Variants in VWA8 observed in about 807,000 individuals in gnomAD.
VWA8 encodes the protein von Willebrand factor A domain-containing protein 8.
In VWA8, 221 loss-of-function variants were observed where a neutral mutation model predicts 241.5. The ratio of observed to expected loss-of-function variants is 0.91; its 90% CI spans 0.82 to 1.02. The LOEUF is 1.02. Among genes scored for constraint, VWA8 ranks in the 50% least tolerant of loss-of-function variants. The probability of loss-of-function intolerance (pLI) is 0.00; values close to 1 mark genes in which losing one functional copy is unlikely to be tolerated. For missense variants in VWA8, 2,322 were observed against 2,328.7 expected (o/e 1.00, Z 0.06); for synonymous variants, 852 against 827.1 (o/e 1.03, Z -0.52).
At chr13:41,704,065 T>C (rs944604722) in intron 26 of VWA8, among the ~76,000 whole-genome samples, 2 of 152,190 alleles carry the variant, frequency 1.3e-5, no homozygotes, top group African/African-American at 4.8e-5. Flanking sequence ...CAGACAATTC[T>C]TTTAAATTTG....
chr13:41,887,381 G>T lies in VWA8; in HGVS notation c.652-20C>A. 6.2e-7 allele frequency: 1 copy of T among 1,602,004 alleles called. No individual in the cohort carries two copies. The highest frequency in any genetic ancestry group is 1.1e-5 in the South Asian group (1 of 89,324). On this transcript the variant is annotated intron_variant, in intron 5 of 44. Coordinates refer to ENST00000379310, the MANE Select transcript of VWA8 (RefSeq NM_015058.2). ...ATGATCCTATAAAAGTAAGAGATCC[G>T]GAAGCTATAGCATAAATGATACAAA...
chr13:41,818,875 A>C (rs1870820659), intron 15 of VWA8, among the ~76,000 whole-genome samples: 2 of 152,186 alleles, frequency 1.3e-5, no homozygotes, highest in Admixed American at 1.3e-4. Flanking sequence ...GAAAGAGGAG[A>C]GACAGGCCAC....
At chr13:41,573,939 T>A (rs2044332898) in intron 43 of VWA8, among the ~76,000 whole-genome samples, 2 of 152,092 alleles carry the variant, frequency 1.3e-5, no homozygotes, top group Non-Finnish European at 2.9e-5. Context: ...ATAATTTAAT[T>A]GTACATTTAA....
At chr13:41,922,762 A>G (rs1351924219) in intron 2 of VWA8, among the ~76,000 whole-genome samples, 10 of 152,318 alleles carry the variant, frequency 6.6e-5, no homozygotes, top group Non-Finnish European at 1.3e-4. Flanking sequence ...TTAGAATGGC[A>G]ATCATTAAAA....
At chr13:41,651,596 G>A (rs2044869716) in intron 37 of VWA8, among the ~76,000 whole-genome samples, 1 of 152,210 alleles carries the variant, frequency 6.6e-6, no homozygotes, top group Admixed American at 6.5e-5. Context: ...ATAAATGAAT[G>A]AGTGTAGCTG....
chr13:41,698,853 C>T (rs758710396), intron 29 of VWA8, among the ~76,000 whole-genome samples: 2 of 152,158 alleles, frequency 1.3e-5, no homozygotes, highest in East Asian at 1.9e-4. Context: ...AAAACCCTGA[C>T]TTACCTGTTT....
chr13:41,786,829 G>T (rs1441373106), intron 18 of VWA8, among the ~76,000 whole-genome samples: 1 of 151,912 alleles, frequency 6.6e-6, no homozygotes, highest in Non-Finnish European at 1.5e-5. Flanking sequence ...TTAAAAAATT[G>T]AAAATCTTTC....
At chr13:41,713,267 G>A (rs1210520273) in intron 26 of VWA8, among the ~76,000 whole-genome samples, 1 of 152,146 alleles carries the variant, frequency 6.6e-6, no homozygotes, top group Admixed American at 6.5e-5. Flanking sequence ...CAAATAAAAT[G>A]TAGAAAATAA....
intron 9 of VWA8, among the ~76,000 whole-genome samples, chr13:41,882,202 G>A (rs1379413678): frequency 6.6e-6 from 1 of 151,270 alleles, no homozygotes; most frequent in Non-Finnish European, 1.5e-5. Context: ...CATCTCAGAC[G>A]ATGGGCGGCC....
intron 40 of VWA8, among the ~76,000 whole-genome samples, chr13:41,592,316 T>G (rs1361328511): frequency 1.6e-5 from 1 of 63,028 alleles, no homozygotes; most frequent in Admixed American, 2.4e-4. Flanking sequence ...GGGACTGTTG[T>G]GGGGTGGGGG....
intron 9 of VWA8, among the ~76,000 whole-genome samples, chr13:41,870,635 C>CA (rs1330134932): frequency 0.03 from 1,836 of 60,584 alleles, 38 homozygotes; most frequent in African/African-American, 0.094. Flanking sequence ...GACTCCGTCT[C>CA]AAAAAAAAAA....
At chr13:41,857,808 G>A (rs1181581105) in intron 12 of VWA8, among the ~76,000 whole-genome samples, 1 of 152,062 alleles carries the variant, frequency 6.6e-6, no homozygotes, top group African/African-American at 2.4e-5. Flanking sequence ...TCAGATATTT[G>A]GTTAAATAGT....
chr13:41,648,292 T>A (rs910705342), intron 37 of VWA8, among the ~76,000 whole-genome samples: 1 of 152,258 alleles, frequency 6.6e-6, no homozygotes, highest in African/African-American at 2.4e-5. Context: ...ACATTATTTA[T>A]CTGGTTCAGG....
At chr13:41,862,027 T>C (rs1873029456) in intron 12 of VWA8, among the ~76,000 whole-genome samples, 1 of 152,148 alleles carries the variant, frequency 6.6e-6, no homozygotes, top group Admixed American at 6.6e-5. Flanking sequence ...TGAGGCATCA[T>C]GCTACCTGAC....
At chr13:41,731,923 C>CA (rs1396733530) in intron 22 of VWA8, among the ~76,000 whole-genome samples, 157 bp downstream of exon 22, 1 of 152,238 alleles carries the variant, frequency 6.6e-6, no homozygotes, top group South Asian at 2.1e-4. Flanking sequence ...TCCATTAAAC[C>CA]TTTTTCTTTA....
intron 9 of VWA8, among the ~76,000 whole-genome samples, chr13:41,872,149 G>A (rs1291883903): frequency 6.6e-6 from 1 of 151,898 alleles, no homozygotes; most frequent in Non-Finnish European, 1.5e-5. Flanking sequence ...TTTTTGATGG[G>A]GTTGTTTGTT....
At chr13:41,705,982 T>C (rs1278016117) in intron 26 of VWA8, among the ~76,000 whole-genome samples, 1 of 152,158 alleles carries the variant, frequency 6.6e-6, no homozygotes, top group Admixed American at 6.5e-5. Flanking sequence ...ACAGAAACAG[T>C]TTCACATCTT....
At chr13:41,889,656 G>A (rs180978491) in intron 5 of VWA8, among the ~76,000 whole-genome samples, 1 of 152,286 alleles carries the variant, frequency 6.6e-6, no homozygotes, top group African/African-American at 2.4e-5. Flanking sequence ...TAGGGTTACA[G>A]GTGTGAGCCA....
chr13:41,702,744 C>G (rs1446065982), intron 27 of VWA8, among the ~76,000 whole-genome samples: 1 of 152,194 alleles, frequency 6.6e-6, no homozygotes, highest in Non-Finnish European at 1.5e-5. Context: ...TTTGCTGACA[C>G]TGCTCTACTG....
Sources: gnomAD v4.1 joint callset for allele counts (sites outside exome capture counted in the v4.1 genomes callset) on GRCh38, gnomAD v4.1.1 for gene constraint, MANE v1.5 for transcripts, NCBI Gene and HGNC (gene_info 2026-07-23, HGNC 2026-07-21) for gene names.